KCTD19: variants seen among roughly 807,000 people sequenced by gnomAD.
KCTD19 encodes BTB/POZ domain-containing protein KCTD19.
A neutral mutation model predicts 103.5 loss-of-function variants in KCTD19; 67 were observed. That is an observed-to-expected ratio of 0.65 (90% CI 0.53 to 0.79). The LOEUF (loss-of-function observed/expected upper bound fraction) is 0.79, where lower values mean the gene tolerates loss of function less well. Ranked by LOEUF, KCTD19 falls within the 30% of genes least tolerant of loss-of-function variation. The pLI, the probability that KCTD19 is intolerant of heterozygous loss-of-function variation, is 0.00. For synonymous variants in KCTD19, 439 were observed against 452.2 expected (o/e 0.97, Z 0.37); for missense variants, 980 against 1,136.1 (o/e 0.86, Z 1.98).
chr16:67,301,804 G>C lies in KCTD19; in HGVS notation c.762C>G (p.Tyr254Ter). 1 of 1,614,052 alleles carries C rather than the reference G, an allele frequency of 6.2e-7. No individual in the cohort carries two copies. ...CTGGCGACATACCCATGTTCATCCG[G>C]TACCACCTTACGGCTTCAGTGAGTG... Reference protein sequence around the residue: ...IPALTEAVRWYRMNMGGCSPT... With the variant: ...IPALTEAVRW The change falls in exon 5 of 16, where the codon TAC (tyrosine) becomes TAG (stop). Residue 254 changes from tyrosine to a stop codon, truncating the protein, a stop_gained. Coordinates refer to ENST00000304372, the MANE Select transcript of KCTD19 (RefSeq NM_001100915.3). LOFTEE classifies it high-confidence loss of function.
chr16:67,294,784 A>T, intron 10 of KCTD19, 90 bp from the exon 11 acceptor site: 1 of 1,046,666 alleles, frequency 9.6e-7, no homozygotes, highest in Non-Finnish European at 1.5e-6. Context: ...GCTGGGAGTT[A>T]ATGCTAGACA....
At chr16:67,316,570 CA>C (rs534818652) in intron 2 of KCTD19, among the ~76,000 whole-genome samples, 24 of 150,206 alleles carry the variant, frequency 1.6e-4, no homozygotes, top group South Asian at 8.4e-4. Context: ...ACAAAAACTA[CA>C]AAAAAAAAGA....
At position 67,319,769 on chromosome 16, in the gene KCTD19, G is replaced by GT. The variant is rs529286116; in HGVS notation, c.300+819dup. On this transcript the variant is annotated intron_variant, in intron 2 of 15. Coordinates refer to ENST00000304372, the MANE Select transcript of KCTD19 (RefSeq NM_001100915.3). Reference sequence around the variant, plus strand: ...GTAAAGGAAAGATTCTGCAGAACTTGTTTTTTTTTTTCTCTCTCTTGACAT... The same window carrying GT: ...GTAAAGGAAAGATTCTGCAGAACTTGTTTTTTTTTTTTCTCTCTCTTGACAT... Among the ~76,000 whole-genome samples the GT allele has an allele frequency of 2.4e-3, 356 of 145,730 alleles. 1 individual carries two copies. Among genetic ancestry groups the GT allele is most frequent in the African/African-American group, 7.0e-3 (282 of 40,022 alleles).
At chr16:67,306,651 G>A (rs890243864) in intron 2 of KCTD19, among the ~76,000 whole-genome samples, 3 of 152,094 alleles carry the variant, frequency 2.0e-5, no homozygotes, top group African/African-American at 7.2e-5. Context: ...AACATATGAG[G>A]TGAGTCCAAA....
At chr16:67,319,781 C>A (rs1328010766) in intron 2 of KCTD19, among the ~76,000 whole-genome samples, 1 of 147,208 alleles carries the variant, frequency 6.8e-6, no homozygotes, top group South Asian at 2.1e-4. Context: ...TTTTTTTTTT[C>A]TCTCTCTTGA....
intron 7 of KCTD19, 90 bp downstream of exon 7, chr16:67,297,413 G>A (rs1597393761): frequency 1.5e-6 from 2 of 1,307,904 alleles, no homozygotes; most frequent in Non-Finnish European, 2.1e-6. Context: ...TCCATCTACA[G>A]TTCCTCGTCC....
intron 2 of KCTD19, among the ~76,000 whole-genome samples, chr16:67,314,518 G>T (rs968313431): frequency 6.6e-6 from 1 of 151,772 alleles, no homozygotes; most frequent in African/African-American, 2.4e-5. Context: ...CTATAAATTT[G>T]CCTGTTCTGC....
intron 2 of KCTD19, among the ~76,000 whole-genome samples, chr16:67,310,530 T>A (rs2036938689): frequency 6.6e-6 from 1 of 152,226 alleles, no homozygotes; most frequent in Non-Finnish European, 1.5e-5. Context: ...GAGGATTTCT[T>A]AAGGGAAATA....
chr16:67,301,788 T>G lies in KCTD19; in HGVS notation c.775+3A>C. 2.5e-6 allele frequency: 4 copies of G among 1,613,550 alleles called. No individual in the cohort carries two copies. Among genetic ancestry groups the G allele is most frequent in the Non-Finnish European group, 3.4e-6 (4 of 1,179,706 alleles). ...GGGGAGCCAAGGTTTCCTGGCGACA[T>G]ACCCATGTTCATCCGGTACCACCTT... On this transcript the variant is annotated splice_donor_region_variant and intron_variant, in intron 5 of 15. Transcript: ENST00000304372.
intron 12 of KCTD19, among the ~76,000 whole-genome samples, chr16:67,292,145 G>A (rs1209508977): frequency 1.3e-5 from 2 of 152,216 alleles, no homozygotes; most frequent in East Asian, 1.9e-4. Flanking sequence ...GATTACAGGC[G>A]TGAGCCACAC....
chr16:67,295,468 ATCT>A, intron 8 of KCTD19, 63 bp from the exon 9 acceptor site: 1 of 1,485,872 alleles, frequency 6.7e-7, no homozygotes. Context: ...GGGCAGGTCA[ATCT>A]TCTCTCACTC....
chr16:67,317,023 T>G (rs1031559581), intron 2 of KCTD19, among the ~76,000 whole-genome samples: 13 of 152,244 alleles, frequency 8.5e-5, no homozygotes, highest in African/African-American at 3.1e-4. Context: ...ATTTGTTGAG[T>G]GCATGGGAAC....
intron 2 of KCTD19, among the ~76,000 whole-genome samples, chr16:67,314,826 T>C (rs71384727): frequency 1.8e-5 from 1 of 55,320 alleles, no homozygotes; most frequent in Non-Finnish European, 3.1e-5. Flanking sequence ...TATATATATA[T>C]ATATAGAGAG....
intron 2 of KCTD19, chr16:67,305,629 T>C (rs1479506706): frequency 6.6e-6 from 3 of 455,254 alleles, no homozygotes; most frequent in Non-Finnish European, 1.3e-5. Flanking sequence ...GGGCAGATTA[T>C]CATAACATCA....
At chr16:67,298,284 C>T (rs1002823757) in intron 6 of KCTD19, among the ~76,000 whole-genome samples, 11 of 152,222 alleles carry the variant, frequency 7.2e-5, no homozygotes, top group African/African-American at 1.4e-4. Flanking sequence ...TGAGCCACCG[C>T]GCCCAGCCCG....
intron 6 of KCTD19, among the ~76,000 whole-genome samples, chr16:67,298,464 G>A (rs1239187263): frequency 2.0e-5 from 3 of 152,064 alleles, no homozygotes; most frequent in Non-Finnish European, 4.4e-5. Context: ...GGGCCCAGTC[G>A]CTCCCTTCTT....
chr16:67,305,577 G>C (rs756680832), intron 2 of KCTD19: 7 of 455,472 alleles, frequency 1.5e-5, no homozygotes, highest in African/African-American at 1.0e-4. Flanking sequence ...TCTTCGTGCC[G>C]CCCTTACCCA....
chr16:67,315,965 C>T (rs2037009399), intron 2 of KCTD19, among the ~76,000 whole-genome samples: 1 of 152,148 alleles, frequency 6.6e-6, no homozygotes, highest in South Asian at 2.1e-4. Flanking sequence ...GCATGCCTTA[C>T]CCCTTTGCCC....
At position 67,305,921 on chromosome 16, in the gene KCTD19, A is replaced by G. The variant is rs74854930; in HGVS notation, c.301-1350T>C. Among the ~76,000 whole-genome samples the G allele has an allele frequency of 1.5e-3, 236 of 152,296 alleles. 1 individual carries two copies. Among genetic ancestry groups the G allele is most frequent in the African/African-American group, 5.3e-3 (221 of 41,568 alleles). On this transcript the variant is annotated intron_variant, in intron 2 of 15. Coordinates refer to ENST00000304372, the MANE Select transcript of KCTD19 (RefSeq NM_001100915.3). ...GTGCCCGCATAATCACTTAAGGTCA[A>G]TGCAAAAGAAGGCGGGCCAGAGTGG...
Sources: allele counts gnomAD v4.1 joint callset (sites outside exome capture counted in the v4.1 genomes callset), GRCh38; gene constraint gnomAD v4.1.1; transcripts MANE v1.5; gene names NCBI Gene and HGNC (gene_info 2026-07-23, HGNC 2026-07-21).